Variants in IMPG1 observed in about 807,000 individuals in gnomAD.
The protein encoded by IMPG1 is interphotoreceptor matrix proteoglycan of 150 kDa.
A neutral mutation model predicts 92.0 loss-of-function variants in IMPG1; 85 were observed. That is an observed-to-expected ratio of 0.92 (90% CI 0.78 to 1.11). The LOEUF is 1.11. Ranked by LOEUF, IMPG1 falls within the 50% of genes least tolerant of loss-of-function variation. The pLI is 0.00. For synonymous variants in IMPG1, 367 were observed against 334.1 expected, an observed-to-expected ratio of 1.10 and a Z score of -1.08; for missense variants, 1,022 against 956.0, an observed-to-expected ratio of 1.07 and a Z score of -0.91.
At chr6:75,948,422 G>A (rs780067552) in intron 13 of IMPG1, among the ~76,000 whole-genome samples, 7 of 152,094 alleles carry the variant, frequency 4.6e-5, no homozygotes, top group East Asian at 1.9e-4. Flanking sequence ...AGATGCAAGC[G>A]CCGACCTCCT....
At chr6:75,930,856 G>A in intron 15 of IMPG1, 97 bp downstream of exon 15, 1 of 1,120,178 alleles carries the variant, frequency 8.9e-7, no homozygotes, top group Non-Finnish European at 1.3e-6. Flanking sequence ...TAAAAACCAT[G>A]GGTTGAAAGG....
chr6:75,935,867 T>A (rs985054940), intron 14 of IMPG1, among the ~76,000 whole-genome samples: 8 of 152,234 alleles, frequency 5.3e-5, no homozygotes, highest in African/African-American at 1.9e-4. Flanking sequence ...CCAGGAAGTC[T>A]TAATGAGGCC....
At chr6:75,977,260 A>T (rs971256622) in intron 12 of IMPG1, among the ~76,000 whole-genome samples, 16 of 152,144 alleles carry the variant, frequency 1.1e-4, no homozygotes, top group African/African-American at 3.9e-4. Flanking sequence ...AGTCTTTCTA[A>T]TTGCTAGGAA....
intron 12 of IMPG1, among the ~76,000 whole-genome samples, chr6:75,983,405 G>T (rs1782661206): frequency 6.6e-6 from 1 of 152,016 alleles, no homozygotes; most frequent in African/African-American, 2.4e-5. Context: ...AGAATAGAGA[G>T]CCCAGAAATA....
intron 1 of IMPG1, among the ~76,000 whole-genome samples, chr6:76,057,141 G>C (rs1784133776): frequency 6.6e-6 from 1 of 152,118 alleles, no homozygotes. Flanking sequence ...ATGGGGGGCT[G>C]TTGGAAGGTG....
rs376825043 is a variant in IMPG1, at chr6:76,018,210, A to C, written c.807+508T>G. 1.4e-3 allele frequency among the ~76,000 whole-genome samples: 209 copies of C among 152,300 alleles called. 1 individual carries two copies. The highest frequency in any genetic ancestry group is 4.8e-3 in the African/African-American group (198 of 41,556). On this transcript the variant is annotated intron_variant, in intron 7 of 16. Coordinates refer to ENST00000369950, the MANE Select transcript of IMPG1 (RefSeq NM_001563.4). ...ACACACATACCTATGATAAAGTTTA[A>C]TTTATAAATTAGGCACAGCAAAGGA... is the stretch of plus-strand genomic sequence containing the variant.
chr6:76,060,072 T>C (rs1168066746), intron 1 of IMPG1, among the ~76,000 whole-genome samples: 1 of 152,216 alleles, frequency 6.6e-6, no homozygotes, highest in Non-Finnish European at 1.5e-5. Context: ...AAATTTCTTT[T>C]GGTTTAGTTT....
intron 4 of IMPG1, among the ~76,000 whole-genome samples, chr6:76,031,090 T>A (rs1159297169): frequency 6.6e-6 from 1 of 152,134 alleles, no homozygotes; most frequent in Non-Finnish European, 1.5e-5. Context: ...TCTGCAAGCC[T>A]AAATTTTCAT....
At chr6:75,974,367 C>CTTTA (rs1367158053) in intron 12 of IMPG1, among the ~76,000 whole-genome samples, 5 of 92,278 alleles carry the variant, frequency 5.4e-5, no homozygotes, top group Admixed American at 4.0e-4. Flanking sequence ...TTCTTTCTTT[C>CTTTA]TTTCTTTCTT....
rs183374631 is a variant in IMPG1 at position 75,940,767 on chromosome 6, T to G, written c.2044+6547A>C. 2.8e-3 allele frequency among the ~76,000 whole-genome samples: 426 copies of G among 152,326 alleles called. 2 individuals carry two copies. Among genetic ancestry groups the G allele is most frequent in the African/African-American group, 9.9e-3 (412 of 41,566 alleles). On this transcript the variant is annotated intron_variant, in intron 14 of 16. Transcript: ENST00000369950. ...CCAATCTGAGCTATCTTCGCTCCCT[T>G]CACTCCCTGTTCTGTAAATAAAGCT... is the stretch of plus-strand genomic sequence containing the variant.
intron 12 of IMPG1, among the ~76,000 whole-genome samples, chr6:75,984,646 T>C (rs1384567370): frequency 6.6e-6 from 1 of 152,262 alleles, no homozygotes; most frequent in African/African-American, 2.4e-5. Context: ...TCATTTTTGA[T>C]ATAGTTTGGA....
intron 2 of IMPG1, among the ~76,000 whole-genome samples, chr6:76,037,216 T>C (rs1341438292): frequency 6.6e-6 from 1 of 152,242 alleles, no homozygotes; most frequent in Non-Finnish European, 1.5e-5. Flanking sequence ...ACTTATTCCA[T>C]GTCTGGATTT....
chr6:76,071,734 G>A (rs921843822), intron 1 of IMPG1, among the ~76,000 whole-genome samples: 7 of 151,954 alleles, frequency 4.6e-5, no homozygotes, highest in Admixed American at 3.9e-4. Context: ...ATGATAGGTA[G>A]GCTTATCCTT....
chr6:76,013,890 A>C (rs971514832), intron 7 of IMPG1, among the ~76,000 whole-genome samples: 2 of 152,168 alleles, frequency 1.3e-5, no homozygotes, highest in Admixed American at 6.5e-5. Context: ...CTGCATTACA[A>C]ATTTTTTCCC....
chr6:76,012,500 T>A (rs1783203615), intron 7 of IMPG1, among the ~76,000 whole-genome samples: 1 of 152,238 alleles, frequency 6.6e-6, no homozygotes, highest in African/African-American at 2.4e-5. Flanking sequence ...CGACTGTAGA[T>A]GCTGTGCTAG....
At chr6:75,965,220 G>A (rs1282419256) in intron 12 of IMPG1, among the ~76,000 whole-genome samples, 1 of 152,150 alleles carries the variant, frequency 6.6e-6, no homozygotes, top group African/African-American at 2.4e-5. Flanking sequence ...GCTCAAGAAT[G>A]AAATAGCTTG....
chr6:75,975,577 A>G lies in IMPG1; in HGVS notation c.1292-24483T>C, dbSNP rs572714036. Among the ~76,000 whole-genome samples, 4 of 152,320 alleles carry G rather than the reference A, an allele frequency of 2.6e-5. No homozygotes were observed. The East Asian group carries it at 5.8e-4, about 22-fold the overall frequency. On this transcript the variant is annotated intron_variant, in intron 12 of 16. Transcript: ENST00000369950. ...AGCTAATGGTAATGCAAATAATTCA[A>G]TGCAAGTGAATTTTGTCTAATGGAG...
chr6:75,976,923 A>C (rs1562356107), intron 12 of IMPG1, among the ~76,000 whole-genome samples: 1 of 152,062 alleles, frequency 6.6e-6, no homozygotes, highest in African/African-American at 2.4e-5. Context: ...AAAAAAAAAA[A>C]AAGAATCCTG....
chr6:75,922,277 GA>G, intron 16 of IMPG1, 111 bp from the exon 17 acceptor site: 1 of 588,358 alleles, frequency 1.7e-6, no homozygotes, highest in East Asian at 2.9e-5. Context: ...TGCCATTTAT[GA>G]CATCTTCTTT....
Sources: gnomAD v4.1 joint callset for allele counts (sites outside exome capture counted in the v4.1 genomes callset) on GRCh38, gnomAD v4.1.1 for gene constraint, MANE v1.5 for transcripts, NCBI Gene and HGNC (gene_info 2026-07-23, HGNC 2026-07-21) for gene names.